Variants in WWOX observed in about 807,000 individuals in gnomAD.
The protein encoded by WWOX is WW domain-containing oxidoreductase.
Under a neutral mutation model 46.2 loss-of-function variants are expected in WWOX, and 69 were observed. The observed-to-expected ratio is 1.49, with a 90% confidence interval of 1.23 to 1.82. The LOEUF (loss-of-function observed/expected upper bound fraction) is 1.82. Ranked by LOEUF, WWOX falls within the 40% of genes most tolerant of loss-of-function variation. The pLI is 0.00. For synonymous variants in WWOX, 359 were observed against 202.6 expected (o/e 1.77, Z -6.56); for missense variants, 919 against 542.6 (o/e 1.69, Z -6.89).
intron 8 of WWOX, among the ~76,000 whole-genome samples, chr16:79,208,916 G>A (rs1043381589): frequency 3.3e-5 from 5 of 152,176 alleles, no homozygotes; most frequent in Non-Finnish European, 7.3e-5. Context: ...GTCCAGCAAG[G>A]GAGGAAAGTA....
At chr16:78,172,087 C>T (rs1190094059) in intron 5 of WWOX, among the ~76,000 whole-genome samples, 1 of 152,134 alleles carries the variant, frequency 6.6e-6, no homozygotes, top group African/African-American at 2.4e-5. Context: ...CCAAGATTTG[C>T]AGCTGGTGTG....
At chr16:78,511,777 C>T (rs563253788) in intron 8 of WWOX, among the ~76,000 whole-genome samples, 108 of 152,224 alleles carry the variant, frequency 7.1e-4, no homozygotes, top group Admixed American at 2.0e-3. Flanking sequence ...GAAATTTGTC[C>T]TCAGCTGGAC....
chr16:78,507,993 CGTGCGTGT>C (rs57439403), intron 8 of WWOX, among the ~76,000 whole-genome samples: 86,976 of 145,366 alleles, frequency 0.6, 28,228 homozygotes, highest in East Asian at 0.81. Context: ...TTTTTGGTTG[CGTGCGTGT>C]GTGTGTGTGT....
chr16:78,355,318 T>C (rs977957624), intron 5 of WWOX, among the ~76,000 whole-genome samples: 1 of 152,276 alleles, frequency 6.6e-6, no homozygotes, highest in Middle Eastern at 3.4e-3. Context: ...AATGCGTGTA[T>C]GGTGCTGGGC....
Position 78,363,154 on chromosome 16 carries a change from G to A in WWOX, c.517-23706G>A, listed in dbSNP as rs1217469990. On this transcript the variant is annotated intron_variant, in intron 5 of 8. Coordinates refer to ENST00000566780, the MANE Select transcript of WWOX (RefSeq NM_016373.4). The stretch of plus-strand genomic sequence containing the variant: ...ACTGTGTGTGTATGTGTTTGTGTGT[G>A]TGTGTGTGTATGTGTCTGTGTGTTC... Among the ~76,000 whole-genome samples, 5 of 152,114 alleles carry A rather than the reference G, an allele frequency of 3.3e-5. No homozygotes were observed. In the East Asian group the frequency reaches 5.8e-4, roughly 18 times the overall value.
At position 78,346,146 on chromosome 16, in the gene WWOX, G is replaced by C. The variant is rs1240702016; in HGVS notation, c.517-40714G>C. Among the ~76,000 whole-genome samples, 2 of 120,818 alleles carry C rather than the reference G, an allele frequency of 1.7e-5. 1 individual carries two copies. The highest frequency in any genetic ancestry group is 4.0e-5 in the Non-Finnish European group (2 of 50,598). The allele number at this position is 120,818 out of a possible 152,430, so 79.3% of individuals were successfully genotyped here. On this transcript the variant is annotated intron_variant, in intron 5 of 8. Transcript: ENST00000566780. The stretch of plus-strand genomic sequence containing the variant: ...TTTTCTAGTACTTGTTCTGCATCTG[G>C]TTTCTTTCATTCCACATAATTACCT...
At chr16:78,316,129 C>T (rs1404251089) in intron 5 of WWOX, among the ~76,000 whole-genome samples, 1 of 151,966 alleles carries the variant, frequency 6.6e-6, no homozygotes, top group East Asian at 2.0e-4. Context: ...CCTGTGGTCC[C>T]AGCTACTTGG....
intron 8 of WWOX, among the ~76,000 whole-genome samples, chr16:78,451,016 C>T (rs1273765008): frequency 6.6e-6 from 1 of 152,176 alleles, no homozygotes; most frequent in Non-Finnish European, 1.5e-5. Context: ...TTATCCCTAA[C>T]CCGGAAGAGT....
intron 8 of WWOX, among the ~76,000 whole-genome samples, chr16:78,746,720 G>A (rs1481877129): frequency 6.6e-6 from 1 of 151,906 alleles, no homozygotes; most frequent in African/African-American, 2.4e-5. Context: ...AGCTTGGGCT[G>A]CAGAATGAGA....
chr16:78,928,623 A>G (rs1438370520), intron 8 of WWOX, among the ~76,000 whole-genome samples: 2 of 152,082 alleles, frequency 1.3e-5, no homozygotes, highest in Non-Finnish European at 2.9e-5. Flanking sequence ...AAATAGATGA[A>G]ATGAAAGAAA....
At chr16:78,266,833 T>G (rs558749017) in intron 5 of WWOX, among the ~76,000 whole-genome samples, 1 of 151,296 alleles carries the variant, frequency 6.6e-6, no homozygotes, top group Non-Finnish European at 1.5e-5. Context: ...TCTGTCTCCC[T>G]CTCTCCCCCT....
At chr16:78,578,346 G>C (rs1392166535) in intron 8 of WWOX, among the ~76,000 whole-genome samples, 1 of 129,106 alleles carries the variant, frequency 7.7e-6, no homozygotes, top group African/African-American at 3.0e-5. Context: ...CTGGAGTGCA[G>C]TGGCGCAATC....
rs762514227 is a variant in WWOX at position 79,089,139 on chromosome 16, G to GT, written c.1057-122468dup. Among the ~76,000 whole-genome samples, 147 of 152,268 alleles carry GT rather than the reference G, an allele frequency of 9.7e-4. 3 individuals carry two copies. Among genetic ancestry groups the GT allele is most frequent in the Middle Eastern group, 3.4e-3 (1 of 294 alleles). On this transcript the variant is annotated intron_variant, in intron 8 of 8. Transcript: ENST00000566780. ...CTTTTCATCAGGAAGGCCGCATATG[G>GT]TGGGCACAGGGCCTAGCTCTGCCGT... is the stretch of plus-strand genomic sequence containing the variant.
In WWOX at chr16:78,809,312, GAAAAAAAAA is replaced by G. The variant is rs371661365; in HGVS notation, c.1056+376569_1056+376577del. Reference sequence around the variant, plus strand: ...CCAAAGCAAAGCCAATAGAGATCTTGAAAAAAAAAAAAAAAAAGAAAAAACCACCGTGGT... The same window carrying G: ...CCAAAGCAAAGCCAATAGAGATCTTGAAAAAAAAGAAAAAACCACCGTGGT... On this transcript the variant is annotated intron_variant, in intron 8 of 8. Coordinates refer to ENST00000566780, the MANE Select transcript of WWOX (RefSeq NM_016373.4). Among the ~76,000 whole-genome samples the G allele has an allele frequency of 2.9e-3, 212 of 73,866 alleles. 1 individual carries two copies. In the South Asian group the frequency reaches 0.04, roughly 14 times the overall value. 48.5% of individuals were successfully genotyped at this position (73,866 alleles called of 152,430 possible).
chr16:78,778,621 T>C (rs2050249141), intron 8 of WWOX, among the ~76,000 whole-genome samples: 1 of 152,186 alleles, frequency 6.6e-6, no homozygotes, highest in Non-Finnish European at 1.5e-5. Context: ...TCATTTTATC[T>C]TACAGCTTCT....
At chr16:79,084,189 G>A (rs1348656915) in intron 8 of WWOX, among the ~76,000 whole-genome samples, 2 of 152,184 alleles carry the variant, frequency 1.3e-5, no homozygotes, top group Non-Finnish European at 2.9e-5. Context: ...CAGAAGGCCA[G>A]CTTGAAGAAA....
intron 4 of WWOX, among the ~76,000 whole-genome samples, chr16:78,130,659 GTC>G (rs1424729362): frequency 6.6e-6 from 1 of 152,186 alleles, no homozygotes. Flanking sequence ...TTGGTTTAGA[GTC>G]TGCAATGAAA....
At chr16:78,634,765 C>G (rs956794630) in intron 8 of WWOX, among the ~76,000 whole-genome samples, 2 of 145,420 alleles carry the variant, frequency 1.4e-5, no homozygotes, top group Non-Finnish European at 3.0e-5. Flanking sequence ...ATCATCTGGA[C>G]GGAATGAAGC....
intron 6 of WWOX, among the ~76,000 whole-genome samples, chr16:78,401,781 C>T (rs2082419882): frequency 1.3e-5 from 2 of 152,056 alleles, no homozygotes; most frequent in Non-Finnish European, 2.9e-5. Flanking sequence ...CTCACTGCAA[C>T]CTCTGCCTCC....
Sources: allele counts gnomAD v4.1 joint callset (sites outside exome capture counted in the v4.1 genomes callset), GRCh38; gene constraint gnomAD v4.1.1; transcripts MANE v1.5; gene names NCBI Gene and HGNC (gene_info 2026-07-23, HGNC 2026-07-21).